Variants in SHB observed in about 807,000 individuals in gnomAD.
SHB encodes SH2 domain containing adaptor protein B.
Under a neutral mutation model 52.3 loss-of-function variants are expected in SHB, and 20 were observed. That is an observed-to-expected ratio of 0.38 (90% confidence interval 0.27 to 0.56). The LOEUF is 0.56. Ranked by LOEUF, SHB falls within the 20% of genes least tolerant of loss-of-function variation. The pLI is 0.71. For synonymous variants in SHB, 397 were observed against 316.5 expected (o/e 1.25, Z -2.70); for missense variants, 825 against 723.3 (o/e 1.14, Z -1.61).
At chr9:38,000,726 C>T (rs1465651303) in intron 2 of SHB, among the ~76,000 whole-genome samples, 1 of 152,222 alleles carries the variant, frequency 6.6e-6, no homozygotes, top group African/African-American at 2.4e-5. Flanking sequence ...ATTTGGCCCT[C>T]GGAAGCCCCT....
intron 1 of SHB, among the ~76,000 whole-genome samples, chr9:38,031,495 C>T (rs1174686531): frequency 6.6e-6 from 1 of 152,180 alleles, no homozygotes; most frequent in African/African-American, 2.4e-5. Context: ...GATCACCATG[C>T]TTTCTAGGGA....
chr9:37,923,968 C>T (rs1478273264), intron 5 of SHB, among the ~76,000 whole-genome samples: 4 of 152,244 alleles, frequency 2.6e-5, no homozygotes, highest in Non-Finnish European at 4.4e-5. Context: ...GCTTCCACAC[C>T]TCGGCACCGT....
At chr9:38,057,460 G>GTTA (rs1490021223) in intron 1 of SHB, among the ~76,000 whole-genome samples, 5 of 152,130 alleles carry the variant, frequency 3.3e-5, no homozygotes, top group African/African-American at 1.2e-4. Context: ...TGTTATAAGG[G>GTTA]GTAAAAGGTT....
intron 5 of SHB, among the ~76,000 whole-genome samples, chr9:37,930,792 G>A (rs1458428226): frequency 6.6e-6 from 1 of 152,078 alleles, no homozygotes; most frequent in Non-Finnish European, 1.5e-5. Flanking sequence ...AACCATAAAA[G>A]ACCCTGAGTA....
Position 37,920,298 on chromosome 9 carries a change from AACAAAAC to A in SHB, c.1347-301_1347-295del, listed in dbSNP as rs768219980. Among the ~76,000 whole-genome samples the A allele has an allele frequency of 5.5e-5, 8 of 144,914 alleles. No individual in the cohort carries two copies. In the Admixed American group the frequency reaches 5.5e-4, roughly 10 times the overall value. ...AGAAAAACAAAACAAAACAAAACAA[AACAAAAC>A]AAAACAAAACAAAACAAAACAAAAC... is the stretch of plus-strand genomic sequence containing the variant. On this transcript the variant is annotated intron_variant, in intron 5 of 5. Coordinates refer to ENST00000377707, the MANE Select transcript of SHB (RefSeq NM_003028.3).
chr9:37,966,700 G>C (rs1054006948), intron 3 of SHB, among the ~76,000 whole-genome samples: 1 of 152,248 alleles, frequency 6.6e-6, no homozygotes, highest in Non-Finnish European at 1.5e-5. Flanking sequence ...AGGGGAGCCA[G>C]TTTGGAAGAG....
At chr9:37,954,376 C>A (rs577050800) in intron 4 of SHB, among the ~76,000 whole-genome samples, 2 of 152,290 alleles carry the variant, frequency 1.3e-5, no homozygotes, top group South Asian at 2.1e-4. Flanking sequence ...TGACACACAC[C>A]AGGGAAGGCT....
At chr9:37,922,667 G>T (rs1201713191) in intron 5 of SHB, among the ~76,000 whole-genome samples, 1 of 152,180 alleles carries the variant, frequency 6.6e-6, no homozygotes, top group Non-Finnish European at 1.5e-5. Flanking sequence ...CAGCACTTGG[G>T]CTCCATGAAC....
chr9:38,016,758 C>A (rs540196264), intron 1 of SHB, among the ~76,000 whole-genome samples: 1 of 152,304 alleles, frequency 6.6e-6, no homozygotes, highest in African/African-American at 2.4e-5. Flanking sequence ...CAGTAAGGAC[C>A]TGAAAGCAAC....
intron 2 of SHB, among the ~76,000 whole-genome samples, chr9:38,005,950 T>C (rs934990895): frequency 2.6e-5 from 4 of 152,094 alleles, no homozygotes; most frequent in African/African-American, 9.7e-5. Flanking sequence ...CTCCAGCACC[T>C]TCCCTAACAC....
chr9:38,020,372 T>C (rs551646284), intron 1 of SHB, among the ~76,000 whole-genome samples: 5 of 152,296 alleles, frequency 3.3e-5, no homozygotes, highest in African/African-American at 1.2e-4. Context: ...GTGATCCTTA[T>C]CAGGAAAGCT....
chr9:38,059,910 T>C (rs1040883918), intron 1 of SHB, among the ~76,000 whole-genome samples: 2 of 152,200 alleles, frequency 1.3e-5, no homozygotes, highest in African/African-American at 4.8e-5. Context: ...AGAGTGGCTC[T>C]GAGAAGCAAA....
At chr9:37,988,125 T>C (rs1252221706) in intron 2 of SHB, among the ~76,000 whole-genome samples, 1 of 152,214 alleles carries the variant, frequency 6.6e-6, no homozygotes, top group Non-Finnish European at 1.5e-5. Context: ...TGCTGAGATC[T>C]TGGCACATGC....
In SHB at chr9:37,989,517, T is replaced by C. The variant is rs79358832; in HGVS notation, c.839-14680A>G. On this transcript the variant is annotated intron_variant, in intron 2 of 5. Coordinates refer to ENST00000377707, the MANE Select transcript of SHB (RefSeq NM_003028.3). ...AAGGACTAACAGCAAGACTCCCTCC[T>C]TCCATATAGCACTTCAAGGTCCACA... Among the ~76,000 whole-genome samples the C allele has an allele frequency of 2.2e-3, 340 of 152,328 alleles. 1 individual carries two copies. The highest frequency in any genetic ancestry group is 3.2e-3 in the Non-Finnish European group (221 of 68,032).
At chr9:37,949,630 G>A (rs189111323) in intron 4 of SHB, among the ~76,000 whole-genome samples, 150 of 152,232 alleles carry the variant, frequency 9.9e-4, no homozygotes, top group African/African-American at 3.2e-3. Context: ...AAGACGTCCC[G>A]AAATGGGGCT....
At chr9:38,040,336 G>T (rs576082864) in intron 1 of SHB, among the ~76,000 whole-genome samples, 5 of 152,332 alleles carry the variant, frequency 3.3e-5, no homozygotes, top group South Asian at 2.1e-4. Context: ...GAGGGCTGTC[G>T]TGAGGAGGAA....
chr9:38,000,529 A>G (rs895956980), intron 2 of SHB, among the ~76,000 whole-genome samples: 1 of 152,208 alleles, frequency 6.6e-6, no homozygotes, highest in African/African-American at 2.4e-5. Flanking sequence ...GGGCGGGGGC[A>G]TTCTCCTGAG....
In SHB at chr9:38,066,990, C is replaced by T. The variant is rs1189124751; in HGVS notation, c.717+939G>A. 3.9e-5 allele frequency among the ~76,000 whole-genome samples: 6 copies of T among 152,190 alleles called. No homozygotes were observed. In the South Asian group the frequency reaches 1.0e-3, roughly 26 times the overall value. On this transcript the variant is annotated intron_variant, in intron 1 of 5. Transcript: ENST00000377707. ...TCAGATTTAATCAAAACACTGCCTT[C>T]CACCAGAAGACAGAACAAGTATTAT...
At chr9:37,961,799 C>T (rs918644343) in intron 3 of SHB, among the ~76,000 whole-genome samples, 3 of 152,252 alleles carry the variant, frequency 2.0e-5, no homozygotes, top group Non-Finnish European at 4.4e-5. Flanking sequence ...CTCTGAGCTC[C>T]AAAGTCTGCA....
Sources: allele counts gnomAD v4.1 joint callset (sites outside exome capture counted in the v4.1 genomes callset), GRCh38; gene constraint gnomAD v4.1.1; transcripts MANE v1.5; gene names NCBI Gene and HGNC (gene_info 2026-07-23, HGNC 2026-07-21).